The following BRD9 variants were observed in gnomAD, a reference collection of about 807,000 sequenced individuals.
BRD9 encodes bromodomain containing 9.
Under a neutral mutation model 68.7 loss-of-function variants are expected in BRD9, and 47 were observed. The observed-to-expected ratio is 0.68, with a 90% CI of 0.54 to 0.87. The LOEUF is 0.87. BRD9 is among the 40% of genes least tolerant of loss of function. The pLI is 0.00. For synonymous variants in BRD9, 313 were observed against 293.9 expected (o/e 1.06, Z -0.67); for missense variants, 670 against 748.4 (o/e 0.90, Z 1.22).
chr5:881,872 C>G (rs969120149), intron 8 of BRD9: 2 of 152,528 alleles, frequency 1.3e-5, no homozygotes, highest in Admixed American at 1.3e-4. Flanking sequence ...CAATGGGACA[C>G]GGAGTTGATA....
At position 883,967 on chromosome 5, in the gene BRD9, T is replaced by C. The variant is rs1182147817; in HGVS notation, c.937A>G (p.Arg313Gly). 1.2e-6 allele frequency: 2 copies of C among 1,613,172 alleles called. No homozygotes were observed. The highest frequency in any genetic ancestry group is 1.7e-6 in the Non-Finnish European group (2 of 1,180,026). Reference sequence around the variant, plus strand: ...CCGCCTGGGAGGAACCGGTTGATCCTGTCCCGAGCTTCGTCAGCTGCGTGC... The same window carrying C: ...CCGCCTGGGAGGAACCGGTTGATCCCGTCCCGAGCTTCGTCAGCTGCGTGC... The part of the protein sequence containing the change: ...VEHAADEARD[R>G]INRFLPGGKM... Residue 313 changes from arginine (R) to glycine (G), a missense_variant, in exon 8 of 16, where the codon AGG becomes GGG. By Grantham distance (125) the Arg-to-Gly change is moderately radical. This residue lies in a region of BRD9 where 135 missense variants were observed against 141.2 expected (regional missense o/e 0.96). Coordinates refer to ENST00000467963, the MANE Select transcript of BRD9 (RefSeq NM_023924.5).
At chr5:890,944 G>T (rs1753268575) in intron 3 of BRD9, among the ~76,000 whole-genome samples, 1 of 152,078 alleles carries the variant, frequency 6.6e-6, no homozygotes, top group Admixed American at 6.5e-5. Flanking sequence ...CAAAACTGAA[G>T]GGCACCAGTG....
rs73020905 is a variant in BRD9 at position 883,540 on chromosome 5, C to T, written c.966+398G>A. 8.7e-3 allele frequency: 3,526 copies of T among 405,060 alleles called. 109 individuals are homozygous for T. The highest frequency in any genetic ancestry group is 0.066 in the African/African-American group (3,202 of 48,484). The allele number at this position is 405,060 out of a possible 1,614,324, so 25.1% of individuals were successfully genotyped here. ...GAGCCACGTGAACACAGTCGGTGGC[C>T]TATTATGGACCATCTGTCGGATCCA... On this transcript the variant is annotated intron_variant, in intron 8 of 15. Coordinates refer to ENST00000467963, the MANE Select transcript of BRD9 (RefSeq NM_023924.5).
At chr5:887,177 T>C (rs1051631214) in intron 6 of BRD9, among the ~76,000 whole-genome samples, 184 bp downstream of exon 6, 1 of 152,186 alleles carries the variant, frequency 6.6e-6, no homozygotes, top group Non-Finnish European at 1.5e-5. Flanking sequence ...CTCAATGAGA[T>C]GTTACAGCTA....
chr5:882,200 A>T (rs1751872005), intron 8 of BRD9: 6 of 152,762 alleles, frequency 3.9e-5, no homozygotes, highest in Admixed American at 3.9e-4. Context: ...CACAGACTGC[A>T]GAACAAGGCT....
chr5:891,871 C>T lies in BRD9; in HGVS notation c.53-17G>A, dbSNP rs532885217. 5 of 1,550,220 alleles carry T rather than the reference C, an allele frequency of 3.2e-6. No homozygotes were observed. Among genetic ancestry groups the T allele is most frequent in the African/African-American group, 1.4e-5 (1 of 73,080 alleles). ...CGGCATAATCTGCACAGACACAGACCGAGTTCTACCCGCGTGCTCAGGTGC... is the reference window on the plus strand; with the variant it reads ...CGGCATAATCTGCACAGACACAGACTGAGTTCTACCCGCGTGCTCAGGTGC... On this transcript the variant is annotated splice_polypyrimidine_tract_variant and intron_variant, in intron 1 of 15. Coordinates refer to ENST00000467963, the MANE Select transcript of BRD9 (RefSeq NM_023924.5).
chr5:865,304 A>G (rs1560887927), intron 15 of BRD9, 110 bp downstream of exon 15: 6 of 1,384,028 alleles, frequency 4.3e-6, no homozygotes, highest in East Asian at 2.4e-5. Flanking sequence ...ACCGCTGCCC[A>G]TGCAGCCTCC....
intron 7 of BRD9, among the ~76,000 whole-genome samples, chr5:885,631 G>C: frequency 6.6e-6 from 1 of 152,234 alleles, no homozygotes; most frequent in East Asian, 1.9e-4. Flanking sequence ...CAACAGGCCA[G>C]TCCTCTCAGG....
intron 1 of BRD9, 41 bp downstream of exon 1, chr5:892,565 G>C: frequency 6.5e-7 from 1 of 1,531,320 alleles, no homozygotes; most frequent in Non-Finnish European, 8.8e-7. Context: ...CCCGTGCCCG[G>C]GACCCCGCCC....
intron 8 of BRD9, 95 bp from the exon 9 acceptor site, chr5:881,277 A>G: frequency 8.3e-7 from 1 of 1,202,452 alleles, no homozygotes; most frequent in Admixed American, 2.0e-5. Flanking sequence ...ATGGGGGTGA[A>G]AGCACATTTG....
chr5:884,528 A>G (rs1752267264), intron 7 of BRD9, among the ~76,000 whole-genome samples: 2 of 152,242 alleles, frequency 1.3e-5, no homozygotes, highest in South Asian at 4.1e-4. Context: ...TGCTGTGGCC[A>G]CTGGGTGGCA....
Position 876,118 on chromosome 5 carries a change from G to C in BRD9, c.1366C>G (p.Leu456Val), listed in dbSNP as rs752803097. ...CAGCCCACCTGCTTCAGCTGGAAGA[G>C]CGTCCTAGAGTGGTCTCCGCCTGTG... ...QITGGDHSRT[L>V]FQLKQRRNVP... The change falls in exon 12 of 16, where the codon CTC (leucine) becomes GTC (valine). Residue 456 changes from leucine to valine, a missense_variant. Physicochemically the swap from Leu to Val is conservative, Grantham distance 32 (BLOSUM62 1). Coordinates refer to ENST00000467963, the MANE Select transcript of BRD9 (RefSeq NM_023924.5). The C allele has an allele frequency of 1.2e-6, 2 of 1,612,578 alleles. No homozygotes were observed. Among genetic ancestry groups the C allele is most frequent in the East Asian group, 4.5e-5 (2 of 44,848 alleles).
intron 13 of BRD9, 43 bp downstream of exon 13, chr5:871,483 T>A (rs55744146): frequency 1.3e-6 from 2 of 1,576,354 alleles, no homozygotes; most frequent in African/African-American, 1.3e-5. Flanking sequence ...ACTTTCCCTG[T>A]GAGAATAATA....
chr5:876,248 G>A (rs370932815), intron 11 of BRD9, 36 bp from the exon 12 acceptor site: 3 of 1,537,516 alleles, frequency 2.0e-6, no homozygotes, highest in South Asian at 1.1e-5. Flanking sequence ...GCTGAAAGGA[G>A]CCCTTGTCGC....
chr5:891,300 G>A lies in BRD9; in HGVS notation c.268-13C>T. The A allele has an allele frequency of 2.6e-5, 40 of 1,550,422 alleles. No individual in the cohort carries two copies. Among genetic ancestry groups the A allele is most frequent in the Non-Finnish European group, 3.5e-5 (40 of 1,146,286 alleles). On this transcript the variant is annotated splice_polypyrimidine_tract_variant and intron_variant, in intron 2 of 15. Coordinates refer to ENST00000467963, the MANE Select transcript of BRD9 (RefSeq NM_023924.5). ...GCTTCTTCTCTTCCTGGGCGGCAGA[G>A]TCAAGGGAGTGAGAAAGGCAGGAGT...
In BRD9 at chr5:875,165, C is replaced by T. The variant is rs1371355627; in HGVS notation, c.1383+936G>A. 7.2e-5 allele frequency among the ~76,000 whole-genome samples: 11 copies of T among 152,320 alleles called. No homozygotes were observed. The East Asian group carries it at 1.7e-3, about 24-fold the overall frequency. On this transcript the variant is annotated intron_variant, in intron 12 of 15. Transcript: ENST00000467963. ...TGCCGAGGGCCCGGGAGTGAGCAGC[C>T]GAGGCTCTGTGAGCCACACGCTGCC...
At chr5:873,314 T>C (rs1048701242) in intron 12 of BRD9, among the ~76,000 whole-genome samples, 2 of 152,208 alleles carry the variant, frequency 1.3e-5, no homozygotes, top group African/African-American at 2.4e-5. Context: ...AACTGAAGAC[T>C]GAGCTCTGAC....
chr5:887,868 G>C (rs949792351), intron 5 of BRD9, among the ~76,000 whole-genome samples: 3 of 152,244 alleles, frequency 2.0e-5, no homozygotes, highest in Admixed American at 1.3e-4. Flanking sequence ...TCTATCTCTA[G>C]AATTTCTCCA....
intron 6 of BRD9, chr5:886,927 C>T (rs1379143724): frequency 5.6e-6 from 4 of 712,134 alleles, no homozygotes; most frequent in South Asian, 1.9e-5. Flanking sequence ...CTTGACCCAC[C>T]GCCAGAGCGC....
Sources: gnomAD v4.1 joint callset for allele counts (sites outside exome capture counted in the v4.1 genomes callset) on GRCh38, gnomAD v4.1.1 for gene constraint, gnomAD v4.1.1 regional missense constraint, MANE v1.5 for transcripts, NCBI Gene and HGNC (gene_info 2026-07-23, HGNC 2026-07-21) for gene names.